PHLDB2: variants seen among roughly 807,000 people sequenced by gnomAD.
PHLDB2 encodes the protein pleckstrin homology-like domain family B member 2.
Under a neutral mutation model 123.6 loss-of-function variants are expected in PHLDB2, and 71 were observed. The ratio of observed to expected loss-of-function variants is 0.57; its 90% CI spans 0.47 to 0.70. The LOEUF (loss-of-function observed/expected upper bound fraction) is 0.70. Ranked by LOEUF, PHLDB2 falls within the 30% of genes least tolerant of loss-of-function variation. The pLI is 0.00. For synonymous variants in PHLDB2, 547 were observed against 541.6 expected (o/e 1.01, Z -0.14); for missense variants, 1,446 against 1,519.5 (o/e 0.95, Z 0.80).
At chr3:111,892,395 C>T (rs1475011664) in intron 2 of PHLDB2, among the ~76,000 whole-genome samples, 1 of 152,142 alleles carries the variant, frequency 6.6e-6, no homozygotes, top group Non-Finnish European at 1.5e-5. Flanking sequence ...ACTATAGATG[C>T]ACCTCCTAGC....
chr3:111,749,799 G>A (rs1032668480), intron 1 of PHLDB2, among the ~76,000 whole-genome samples: 2 of 152,074 alleles, frequency 1.3e-5, no homozygotes, highest in South Asian at 2.1e-4. Context: ...ACTGTTCTAC[G>A]ACACTGAAAC....
chr3:111,826,969 T>C (rs1395754813), intron 1 of PHLDB2, among the ~76,000 whole-genome samples: 1 of 152,216 alleles, frequency 6.6e-6, no homozygotes, highest in Non-Finnish European at 1.5e-5. Context: ...CCGACATTTA[T>C]TGAGTTCTTG....
At chr3:111,879,473 C>G (rs1296324318) in intron 1 of PHLDB2, among the ~76,000 whole-genome samples, 1 of 152,088 alleles carries the variant, frequency 6.6e-6, no homozygotes, top group East Asian at 1.9e-4. Context: ...TCCTCTTCGT[C>G]TTCATGTTGA....
chr3:111,749,745 T>G (rs748167317), intron 1 of PHLDB2, among the ~76,000 whole-genome samples: 2 of 152,194 alleles, frequency 1.3e-5, no homozygotes, highest in Non-Finnish European at 2.9e-5. Flanking sequence ...TGAAAGAGCC[T>G]TTTTTCTTTA....
At chr3:111,852,282 GCTCT>G (rs769771127) in intron 2 of PHLDB2, among the ~76,000 whole-genome samples, 127 of 145,598 alleles carry the variant, frequency 8.7e-4, no homozygotes, top group African/African-American at 3.2e-3. Flanking sequence ...TCTCTCTCTC[GCTCT>G]CTCTCTCTCC....
chr3:111,742,830 T>C (rs2059626253), intron 1 of PHLDB2, among the ~76,000 whole-genome samples: 1 of 152,148 alleles, frequency 6.6e-6, no homozygotes, highest in Non-Finnish European at 1.5e-5. Flanking sequence ...TGTTCTAACA[T>C]AGATCCAATA....
At chr3:111,787,511 G>C (rs1576600777) in intron 1 of PHLDB2, among the ~76,000 whole-genome samples, 1 of 152,124 alleles carries the variant, frequency 6.6e-6, no homozygotes, top group Non-Finnish European at 1.5e-5. Flanking sequence ...TTCATGGTGT[G>C]TGACTGTGGC....
chr3:111,785,820 C>T (rs1311369719), intron 1 of PHLDB2, among the ~76,000 whole-genome samples: 1 of 151,948 alleles, frequency 6.6e-6, no homozygotes, highest in African/African-American at 2.4e-5. Flanking sequence ...AGAAGGGCAA[C>T]CAGAATGGTG....
chr3:111,906,057 T>G (rs2067512390), intron 2 of PHLDB2, among the ~76,000 whole-genome samples: 1 of 152,220 alleles, frequency 6.6e-6, no homozygotes, highest in African/African-American at 2.4e-5. Context: ...TTAGGTATGT[T>G]TAGATACACA....
At chr3:111,853,826 C>T (rs2064365169) in intron 2 of PHLDB2, among the ~76,000 whole-genome samples, 1 of 151,686 alleles carries the variant, frequency 6.6e-6, no homozygotes. Flanking sequence ...GAGCCAAGAT[C>T]GTGCCATTGC....
chr3:111,807,278 A>T (rs1172757993), intron 1 of PHLDB2, among the ~76,000 whole-genome samples: 1 of 152,202 alleles, frequency 6.6e-6, no homozygotes, highest in East Asian at 1.9e-4. Context: ...AAACATTAGG[A>T]ATTTAATAAA....
intron 1 of PHLDB2, among the ~76,000 whole-genome samples, chr3:111,843,783 G>T (rs1281657814): frequency 6.6e-6 from 1 of 152,062 alleles, no homozygotes; most frequent in Admixed American, 6.6e-5. Flanking sequence ...CTGCTCTGTG[G>T]GCTCTCATTT....
chr3:111,923,865 C>T (rs1577095469), intron 5 of PHLDB2, among the ~76,000 whole-genome samples: 1 of 152,200 alleles, frequency 6.6e-6, no homozygotes, highest in African/African-American at 2.4e-5. Flanking sequence ...CTTCCACTTG[C>T]TTTCCTTCAA....
At chr3:111,766,443 CAAAA>C (rs11391498) in intron 1 of PHLDB2, among the ~76,000 whole-genome samples, 3 of 112,426 alleles carry the variant, frequency 2.7e-5, no homozygotes. Flanking sequence ...GACTCTGTCT[CAAAA>C]AAAAAAAAAA....
intron 2 of PHLDB2, among the ~76,000 whole-genome samples, chr3:111,890,057 C>T (rs556422701): frequency 2.6e-5 from 4 of 152,296 alleles, no homozygotes; most frequent in Admixed American, 6.5e-5. Context: ...TATTCCTGAT[C>T]TGAGTACACA....
intron 13 of PHLDB2, among the ~76,000 whole-genome samples, chr3:111,964,598 T>C (rs1000858863): frequency 6.6e-6 from 1 of 152,040 alleles, no homozygotes; most frequent in Non-Finnish European, 1.5e-5. Flanking sequence ...CAACTTGGCC[T>C]CCCAAAGTGC....
chr3:111,928,293 G>T (rs2068922064), intron 5 of PHLDB2, among the ~76,000 whole-genome samples: 1 of 152,154 alleles, frequency 6.6e-6, no homozygotes, highest in Non-Finnish European at 1.5e-5. Flanking sequence ...GTTTTTGGTG[G>T]ATCCTGTATT....
rs1243470751 is a variant in PHLDB2 at position 111,939,625 on chromosome 3, A to C, written c.2281A>C (p.Arg761=). 3.1e-6 allele frequency: 5 copies of C among 1,606,658 alleles called. No homozygotes were observed. The highest frequency in any genetic ancestry group is 4.2e-6 in the Non-Finnish European group (5 of 1,178,224). ...TGAATATCAACGGAACATCGTTTCT[A>C]GAAAGGTACTTTTTCCAGGTGTCAT... is the stretch of plus-strand genomic sequence containing the variant. ...VAEYQRNIVS[R]KEKISALKKQ... is the part of the protein sequence containing the mutation. Residue 761 remains arginine (R), a synonymous_variant, in exon 7 of 18, where the codon AGA becomes CGA. Transcript: ENST00000431670.
At chr3:111,888,322 A>G (rs1454092376) in intron 2 of PHLDB2, among the ~76,000 whole-genome samples, 1 of 152,072 alleles carries the variant, frequency 6.6e-6, no homozygotes, top group Non-Finnish European at 1.5e-5. Flanking sequence ...GTTCTCTGGG[A>G]AAACCTAAAA....
Sources: allele counts gnomAD v4.1 joint callset (sites outside exome capture counted in the v4.1 genomes callset), GRCh38; gene constraint gnomAD v4.1.1; transcripts MANE v1.5; gene names NCBI Gene and HGNC (gene_info 2026-07-23, HGNC 2026-07-21).